Variants in RASGRP3 observed in about 807,000 individuals in gnomAD.
RASGRP3 encodes ras guanyl-releasing protein 3.
RASGRP3 carries 54 observed loss-of-function variants against 82.7 expected under a neutral mutation model. That is an observed-to-expected ratio of 0.65 (90% CI 0.52 to 0.82). The LOEUF (loss-of-function observed/expected upper bound fraction) is 0.82, where lower values mean the gene tolerates loss of function less well. RASGRP3 is among the 40% of genes least tolerant of loss of function. RASGRP3 has a pLI of 0.00. For missense variants in RASGRP3, 861 were observed against 828.9 expected (o/e 1.04, Z -0.48); for synonymous variants, 309 against 300.5 (o/e 1.03, Z -0.29).
At chr2:33,531,935 C>G (rs967671614) in intron 10 of RASGRP3, 1 of 152,216 alleles carries the variant, frequency 6.6e-6, no homozygotes, top group Non-Finnish European at 1.5e-5. Flanking sequence ...CATGCTCCTC[C>G]AAGTCTGCAC....
intron 2 of RASGRP3, among the ~76,000 whole-genome samples, chr2:33,468,991 GC>G: frequency 6.6e-6 from 1 of 151,676 alleles, no homozygotes; most frequent in African/African-American, 2.4e-5. Context: ...GTATGAAGGT[GC>G]CATTTTCCAA....
At chr2:33,551,420 C>T (rs1056736638) in intron 14 of RASGRP3, among the ~76,000 whole-genome samples, 4 of 152,174 alleles carry the variant, frequency 2.6e-5, no homozygotes, top group South Asian at 2.1e-4. Context: ...GTGCATAACA[C>T]GCTCCTACAG....
chr2:33,467,332 G>C (rs1002725873), intron 2 of RASGRP3, among the ~76,000 whole-genome samples: 7 of 152,134 alleles, frequency 4.6e-5, no homozygotes, highest in African/African-American at 1.7e-4. Flanking sequence ...TTACAGGCAT[G>C]TAGCTAGCAC....
intron 1 of RASGRP3, among the ~76,000 whole-genome samples, chr2:33,487,060 A>C (rs867146890): frequency 1.3e-5 from 2 of 152,186 alleles, no homozygotes; most frequent in East Asian, 3.8e-4. Flanking sequence ...TAATTTATAT[A>C]TCCCTACCGA....
Position 33,564,605 on chromosome 2 carries a change from G to C in RASGRP3, c.*1868G>C, listed in dbSNP as rs568678479. 2 of 152,236 alleles carry C rather than the reference G, an allele frequency of 1.3e-5. No individual in the cohort carries two copies. The highest frequency in any genetic ancestry group is 4.2e-4 in the South Asian group (2 of 4,816). The allele number at this position is 152,236 out of a possible 1,614,324, so 9.4% of individuals were successfully genotyped here. A position where few individuals can be genotyped will look rare whatever the true frequency, so the allele number is the denominator to read the frequency against. ...TGTACTGTTCTTTTGCTTCTCAAAG[G>C]AATTATTCACTTGCCACTTTGGTTA... On this transcript the variant is annotated 3_prime_UTR_variant, in exon 18 of 18. Transcript: ENST00000403687.
At chr2:33,457,499 ATG>A (rs569871677) in intron 2 of RASGRP3, among the ~76,000 whole-genome samples, 102 of 152,266 alleles carry the variant, frequency 6.7e-4, no homozygotes, top group African/African-American at 2.3e-3. Flanking sequence ...TGGCTACATG[ATG>A]TATACAGCTT....
rs183286400 is a variant in RASGRP3 at position 33,526,866 on chromosome 2, A to G, written c.808-271A>G. Among the ~76,000 whole-genome samples the G allele has an allele frequency of 3.1e-3, 479 of 152,344 alleles. 1 individual carries two copies. The highest frequency in any genetic ancestry group is 5.5e-3 in the Non-Finnish European group (376 of 68,024). ...ATTTCCAAACACTTAAGTATACATG[A>G]TGCCATTTAATATCCCAACATCCCT... On this transcript the variant is annotated intron_variant, in intron 9 of 17. Transcript: ENST00000403687.
intron 2 of RASGRP3, among the ~76,000 whole-genome samples, chr2:33,513,070 T>TA (rs1671089638): frequency 1.3e-5 from 2 of 152,214 alleles, no homozygotes; most frequent in South Asian, 4.1e-4. Context: ...TTAAAAGATA[T>TA]AAAAAAGTTA....
chr2:33,485,907 A>G (rs1234750119), intron 1 of RASGRP3, among the ~76,000 whole-genome samples: 2 of 152,218 alleles, frequency 1.3e-5, no homozygotes, highest in Non-Finnish European at 2.9e-5. Context: ...TGTCATGCAT[A>G]AAATTCTGCA....
intron 15 of RASGRP3, among the ~76,000 whole-genome samples, chr2:33,556,890 T>TACACACACAC (rs58614411): frequency 0.054 from 7,051 of 130,758 alleles, 241 homozygotes; most frequent in East Asian, 0.07. Flanking sequence ...TACCCTAAAA[T>TACACACACAC]ACACACACAC....
chr2:33,524,199 T>C (rs1392397139), intron 8 of RASGRP3, 147 bp downstream of exon 8: 13 of 1,084,926 alleles, frequency 1.2e-5, no homozygotes, highest in Non-Finnish European at 1.7e-5. Flanking sequence ...AATCGTATTT[T>C]TGTCATGCAA....
At chr2:33,437,681 T>C (rs972860750) in intron 1 of RASGRP3, among the ~76,000 whole-genome samples, 3 of 152,220 alleles carry the variant, frequency 2.0e-5, no homozygotes, top group South Asian at 4.1e-4. Context: ...TCAGGCTCAG[T>C]GTGGATCCCA....
At chr2:33,447,915 A>T (rs1453144091) in exon 2 of RASGRP3, 1 of 152,178 alleles carries the variant, frequency 6.6e-6, no homozygotes, top group Non-Finnish European at 1.5e-5. Context: ...ACCCATTTGG[A>T]TTCTCTGATT....
At chr2:33,467,896 G>A (rs1431247070) in intron 2 of RASGRP3, among the ~76,000 whole-genome samples, 1 of 152,204 alleles carries the variant, frequency 6.6e-6, no homozygotes, top group African/African-American at 2.4e-5. Flanking sequence ...ACCTTTCAGA[G>A]ATTTGCTGTC....
rs187976281 is a variant in RASGRP3 at position 33,440,580 on chromosome 2, G to A, written c.-385+3989G>A. Among the ~76,000 whole-genome samples the A allele has an allele frequency of 2.4e-3, 371 of 152,276 alleles. 1 individual carries two copies. The highest frequency in any genetic ancestry group is 8.0e-3 in the African/African-American group (334 of 41,570). On this transcript the variant is annotated intron_variant, in intron 1 of 18. Transcript: ENST00000402538. The stretch of plus-strand genomic sequence containing the variant: ...CCAGGTTCCAGGTCTTCTATTGTTC[G>A]TAACTTTGATGGCCCTCGTAGAATT...
intron 1 of RASGRP3, among the ~76,000 whole-genome samples, chr2:33,488,415 A>C (rs1668577853): frequency 6.6e-6 from 1 of 152,232 alleles, no homozygotes; most frequent in African/African-American, 2.4e-5. Context: ...AAGATGCTTT[A>C]TTAGTAAAAA....
At chr2:33,550,981 T>A (rs1314244706) in intron 14 of RASGRP3, among the ~76,000 whole-genome samples, 1 of 152,146 alleles carries the variant, frequency 6.6e-6, no homozygotes, top group Non-Finnish European at 1.5e-5. Context: ...TTCTTTAGTA[T>A]CTCCACTGGG....
At chr2:33,438,228 C>G (rs1012803705) in intron 1 of RASGRP3, among the ~76,000 whole-genome samples, 1 of 152,166 alleles carries the variant, frequency 6.6e-6, no homozygotes, top group African/African-American at 2.4e-5. Context: ...GTAAAAGGCT[C>G]ATTGCTGGTC....
In RASGRP3 at chr2:33,556,191, G is replaced by A. The variant is rs1390678712; in HGVS notation, c.1579+624G>A. ...ATTACTGTTGTTTAAGAAGTTGCTGGACACTTTATGTGGACAGTTTATATG... is the reference window on the plus strand; with the variant it reads ...ATTACTGTTGTTTAAGAAGTTGCTGAACACTTTATGTGGACAGTTTATATG... On this transcript the variant is annotated intron_variant, in intron 15 of 17. Transcript: ENST00000403687. Among the ~76,000 whole-genome samples the A allele has an allele frequency of 2.7e-5, 4 of 150,412 alleles. No individual in the cohort carries two copies. The East Asian group carries it at 7.8e-4, about 29-fold the overall frequency.
Sources: gnomAD v4.1 joint callset for allele counts (sites outside exome capture counted in the v4.1 genomes callset) on GRCh38, gnomAD v4.1.1 for gene constraint, MANE v1.5 for transcripts, NCBI Gene and HGNC (gene_info 2026-07-23, HGNC 2026-07-21) for gene names.